OPTN: variants seen among roughly 807,000 people sequenced by gnomAD.
OPTN encodes optineurin.
OPTN carries 54 observed loss-of-function variants against 70.4 expected under a neutral mutation model. The observed-to-expected ratio is 0.77, with a 90% CI of 0.62 to 0.96. The LOEUF (loss-of-function observed/expected upper bound fraction) is 0.96, where lower values mean the gene tolerates loss of function less well. Ranked by LOEUF, OPTN falls within the 40% of genes least tolerant of loss-of-function variation. The pLI is 0.00. For missense variants in OPTN, 624 were observed against 673.2 expected, an observed-to-expected ratio of 0.93 and a Z score of 0.81; for synonymous variants, 256 against 248.5, an observed-to-expected ratio of 1.03 and a Z score of -0.28.
At chr10:13,123,538 C>T (rs576876800) in intron 8 of OPTN, among the ~76,000 whole-genome samples, 1 of 152,286 alleles carries the variant, frequency 6.6e-6, no homozygotes, top group Admixed American at 6.5e-5. Context: ...TCTTTCAAGG[C>T]ATCAGAAACT....
rs776525149 is a variant in OPTN at position 13,125,910 on chromosome 10, C to T, written c.1149-36C>T. 4 of 1,437,666 alleles carry T rather than the reference C, an allele frequency of 2.8e-6. No individual in the cohort carries two copies. The East Asian group carries it at 9.1e-5, about 33-fold the overall frequency. 89.1% of individuals were successfully genotyped at this position (1,437,666 alleles called of 1,614,324 possible). A position where few individuals can be genotyped will look rare whatever the true frequency, so the allele number is the denominator to read the frequency against. Reference sequence around the variant, plus strand: ...AGACTATAAGTTTCTATGATATTTTCCCCAGGATTCCATTTTTTAATATCT... The same window carrying T: ...AGACTATAAGTTTCTATGATATTTTTCCCAGGATTCCATTTTTTAATATCT... On this transcript the variant is annotated intron_variant, in intron 10 of 14. Transcript: ENST00000378747.
In OPTN at chr10:13,112,645, T is replaced by G; in HGVS notation, c.552+10T>G. The G allele has an allele frequency of 3.7e-6, 6 of 1,614,050 alleles. No individual in the cohort carries two copies. Among genetic ancestry groups the G allele is most frequent in the Non-Finnish European group, 3.4e-6 (4 of 1,179,934 alleles). On this transcript the variant is annotated intron_variant, in intron 5 of 14. Transcript: ENST00000378747. ...TGAAATTAGGATGGCTGTGAGTTTT[T>G]GGTTTTATTTTTGTTTTGAGCAAAC...
At position 13,137,874 on chromosome 10, in the gene OPTN, ATAAT is replaced by A. The variant is rs1330891216; in HGVS notation, c.*1014_*1017del. The A allele has an allele frequency of 8.9e-6, 2 of 225,552 alleles. No homozygotes were observed. Among genetic ancestry groups the A allele is most frequent in the Non-Finnish European group, 1.8e-5 (2 of 113,406 alleles). The allele number at this position is 225,552 out of a possible 1,614,324, so 14.0% of individuals were successfully genotyped here. The stretch of plus-strand genomic sequence containing the variant: ...GCAGGCCTGTGGGCTTGTACAGTAG[ATAAT>A]TAATTTCTAAAAAGAACAGCTGCCT... On this transcript the variant is annotated 3_prime_UTR_variant, in exon 15 of 15. Transcript: ENST00000378747.
chr10:13,130,149 G>A (rs1012445172), intron 12 of OPTN, among the ~76,000 whole-genome samples: 4 of 151,988 alleles, frequency 2.6e-5, no homozygotes, highest in African/African-American at 9.7e-5. Context: ...AGAGACGGCC[G>A]GGCATGGTGG....
intron 7 of OPTN, among the ~76,000 whole-genome samples, chr10:13,120,115 C>T (rs1279518536): frequency 2.6e-5 from 4 of 151,112 alleles, no homozygotes; most frequent in East Asian, 3.9e-4. Context: ...CCCGAGTAGC[C>T]GGGACTACAG....
At chr10:13,120,788 G>A (rs900849565) in intron 7 of OPTN, among the ~76,000 whole-genome samples, 7 of 152,118 alleles carry the variant, frequency 4.6e-5, no homozygotes, top group African/African-American at 7.2e-5. Context: ...GTATTAGCCC[G>A]TTTTCATACT....
At chr10:13,131,488 G>C (rs1833592658) in intron 12 of OPTN, 1 of 154,098 alleles carries the variant, frequency 6.5e-6, no homozygotes, top group Admixed American at 6.4e-5. Flanking sequence ...ATGCTGATTT[G>C]GCCACTTAAC....
At chr10:13,126,577 G>C (rs1015281546) in intron 11 of OPTN, among the ~76,000 whole-genome samples, 3 of 151,710 alleles carry the variant, frequency 2.0e-5, no homozygotes, top group African/African-American at 7.3e-5. Flanking sequence ...ACCGCGCCCG[G>C]CCAGCACTTC....
At chr10:13,125,797 T>C (rs1833445025) in intron 10 of OPTN, 149 bp from the exon 11 acceptor site, 1 of 768,658 alleles carries the variant, frequency 1.3e-6, no homozygotes, top group Non-Finnish European at 2.1e-6. Context: ...AAGATTTTTT[T>C]TGAGAGTAAG....
At chr10:13,115,241 A>ATATCTATATT (rs1833147086) in intron 5 of OPTN, among the ~76,000 whole-genome samples, 10 of 24,288 alleles carry the variant, frequency 4.1e-4, no homozygotes, top group African/African-American at 1.8e-3. Context: ...ATATATCTAT[A>ATATCTATATT]TATATCTATA....
intron 12 of OPTN, among the ~76,000 whole-genome samples, chr10:13,128,623 A>AC (rs1833525598): frequency 7.0e-6 from 1 of 142,448 alleles, no homozygotes; most frequent in Non-Finnish European, 1.5e-5. Context: ...GCTCATTGCA[A>AC]CCTCTGCCTC....
At chr10:13,101,375 T>C (rs918166508) in intron 1 of OPTN, among the ~76,000 whole-genome samples, 1 of 151,792 alleles carries the variant, frequency 6.6e-6, no homozygotes, top group African/African-American at 2.4e-5. Context: ...GCTAGGAATA[T>C]AACTAACCTA....
intron 6 of OPTN, among the ~76,000 whole-genome samples, chr10:13,117,006 C>T (rs780677118): frequency 2.0e-5 from 3 of 151,962 alleles, no homozygotes; most frequent in Non-Finnish European, 4.4e-5. Context: ...ACTGCTAGCT[C>T]GCCTTCTGCA....
rs1168049110 is a variant in OPTN at position 13,124,052 on chromosome 10, C to G, written c.940C>G (p.Gln314Glu). The G allele has an allele frequency of 6.2e-7, 1 of 1,613,888 alleles. No individual in the cohort carries two copies. Among genetic ancestry groups the G allele is most frequent in the Admixed American group, 1.7e-5 (1 of 59,986 alleles). ...LQVTSLFKEL[Q>E]EAHTKLSEAE... ...GGTGACATCTCTGTTTAAGGAGCTT[C>G]AAGAGGCTCATACAAAACTCAGCGA... is the stretch of plus-strand genomic sequence containing the variant. The change falls in exon 9 of 15, where the codon CAA becomes GAA. Residue 314 changes from glutamine (Q) to glutamate (E), a missense_variant. Physicochemically the swap from Gln to Glu is conservative, Grantham distance 29 (BLOSUM62 2). Coordinates refer to ENST00000378747, the MANE Select transcript of OPTN (RefSeq NM_001008212.2).
chr10:13,130,453 A>G (rs1473757832), intron 12 of OPTN, among the ~76,000 whole-genome samples: 2 of 133,692 alleles, frequency 1.5e-5, no homozygotes, highest in Non-Finnish European at 3.3e-5. Flanking sequence ...AAAAAAAAAA[A>G]TCAGACACTG....
chr10:13,119,371 G>A (rs1339657451), intron 7 of OPTN, among the ~76,000 whole-genome samples: 2 of 152,166 alleles, frequency 1.3e-5, no homozygotes, highest in African/African-American at 4.8e-5. Context: ...CATCTACAAC[G>A]TAGCATGTAT....
In OPTN at chr10:13,111,302, A is replaced by C. The variant is rs11819519; in HGVS notation, c.369+826A>C. Among the ~76,000 whole-genome samples, 1,198 of 152,354 alleles carry C rather than the reference A, an allele frequency of 7.9e-3. 16 individuals carry two copies. Among genetic ancestry groups the C allele is most frequent in the African/African-American group, 0.027 (1,105 of 41,574 alleles). ...TTCTATGATATCAGATTATTCCAGC[A>C]TGGCAAGGAAGGCTTTCTTTCTTGT... is the stretch of plus-strand genomic sequence containing the variant. On this transcript the variant is annotated intron_variant, in intron 4 of 14. Transcript: ENST00000378747.
intron 7 of OPTN, among the ~76,000 whole-genome samples, chr10:13,121,500 TAAAAAA>T (rs200687404): frequency 6.6e-5 from 6 of 90,880 alleles, no homozygotes; most frequent in East Asian, 4.6e-4. Flanking sequence ...GATTATCCTG[TAAAAAA>T]AAAAAAAAAA....
chr10:13,112,525 G>T lies in OPTN; in HGVS notation c.442G>T (p.Val148Leu). The change falls in exon 5 of 15, where the codon GTG becomes TTG. Residue 148 changes from valine to leucine, a missense_variant. Coordinates refer to ENST00000378747, the MANE Select transcript of OPTN (RefSeq NM_001008212.2). ...AAAGGACCAGCTCAGGACCCAGGTG[G>T]TGAGGCTACAAGCAGAGAAGGCAGA... ...QEKDQLRTQVVRLQAEKADLL... is the reference protein window; with the variant it reads ...QEKDQLRTQVLRLQAEKADLL... 1 of 1,614,162 alleles carries T rather than the reference G, an allele frequency of 6.2e-7. No homozygotes were observed.
Sources: allele counts gnomAD v4.1 joint callset (sites outside exome capture counted in the v4.1 genomes callset), GRCh38; gene constraint gnomAD v4.1.1; transcripts MANE v1.5; gene names NCBI Gene and HGNC (gene_info 2026-07-23, HGNC 2026-07-21).